The following GATA4 variants were observed in gnomAD, a reference collection of about 807,000 sequenced individuals.
The protein encoded by GATA4 is transcription factor GATA-4.
GATA4 carries 7 observed loss-of-function variants against 37.9 expected under a neutral mutation model. That is an observed-to-expected ratio of 0.18 (90% CI 0.11 to 0.35). GATA4 has a LOEUF of 0.35. Ranked by LOEUF, GATA4 falls within the 10% of genes least tolerant of loss-of-function variation. The pLI, the probability that GATA4 is intolerant of heterozygous loss-of-function variation, is 1.00. For synonymous variants in GATA4, 372 were observed against 292.6 expected (o/e 1.27, Z -2.77); for missense variants, 647 against 653.0 (o/e 0.99, Z 0.10).
intron 2 of GATA4, among the ~76,000 whole-genome samples, chr8:11,746,965 G>A (rs1365913714): frequency 6.6e-6 from 1 of 152,160 alleles, no homozygotes; most frequent in Non-Finnish European, 1.5e-5. Context: ...TGTGGGGAGG[G>A]CCCCCCACCA....
intron 2 of GATA4, among the ~76,000 whole-genome samples, chr8:11,745,832 G>A (rs1347521534): frequency 6.6e-6 from 1 of 152,182 alleles, no homozygotes; most frequent in Non-Finnish European, 1.5e-5. Flanking sequence ...AATAATAGAA[G>A]TCTGGGATTT....
chr8:11,681,590 C>G (rs565765603), intron 1 of GATA4: 3 of 439,512 alleles, frequency 6.8e-6, no homozygotes, highest in Non-Finnish European at 9.1e-6. Flanking sequence ...ACCCCACTCG[C>G]TGTTCTTAAC....
rs1161609876 is a variant in GATA4, at chr8:11,708,333, G to A, written c.21G>A (p.Met7Ile). Residue 7 changes from methionine to isoleucine, a missense_variant, in exon 2 of 7, where the codon ATG becomes ATA. By Grantham distance (10) the Met-to-Ile change is conservative. Around this residue, in one of 5 missense-constraint regions of GATA4, gnomAD observed 379 missense variants for 334.5 expected, o/e 1.13. Transcript: ENST00000532059. This position sits in a 1 kb window ranked among gnomAD's most constrained non-coding sequence, Gnocchi z 6.7. MYQSLA[M>I]AANHGPPPGA... ...GGACCATGTATCAGAGCTTGGCCAT[G>A]GCCGCCAACCACGGGCCGCCCCCCG... 1.3e-6 allele frequency: 2 copies of A among 1,584,708 alleles called. No homozygotes were observed. The highest frequency in any genetic ancestry group is 1.7e-5 in the Admixed American group (1 of 58,360).
intron 2 of GATA4, among the ~76,000 whole-genome samples, chr8:11,734,780 G>A (rs1175327449): frequency 2.6e-5 from 4 of 152,136 alleles, no homozygotes; most frequent in Non-Finnish European, 4.4e-5. Flanking sequence ...GTGAGCCACC[G>A]TGCCCAGCCT....
intron 2 of GATA4, among the ~76,000 whole-genome samples, chr8:11,746,567 C>A (rs1212891183): frequency 6.6e-6 from 1 of 152,246 alleles, no homozygotes; most frequent in Non-Finnish European, 1.5e-5. Context: ...CCGCGCCCGC[C>A]TCTTGCTGTG....
chr8:11,752,248 T>C (rs565150507), intron 4 of GATA4, among the ~76,000 whole-genome samples: 2 of 152,318 alleles, frequency 1.3e-5, no homozygotes, highest in African/African-American at 4.8e-5. Context: ...GACCAGTGGA[T>C]GGGTGAACAC....
At chr8:11,746,286 C>A (rs1184827471) in intron 2 of GATA4, among the ~76,000 whole-genome samples, 1 of 152,006 alleles carries the variant, frequency 6.6e-6, no homozygotes, top group Non-Finnish European at 1.5e-5. Flanking sequence ...AGGAGTATCT[C>A]TTGAGGCCAG....
At chr8:11,682,321 T>C (rs1241792622) in intron 1 of GATA4, among the ~76,000 whole-genome samples, 2 of 152,238 alleles carry the variant, frequency 1.3e-5, no homozygotes, top group Non-Finnish European at 2.9e-5. Flanking sequence ...TAGATAACTT[T>C]GCCTTGTTCA....
At chr8:11,757,524 A>C (rs1448144830) in intron 6 of GATA4, among the ~76,000 whole-genome samples, 2 of 152,214 alleles carry the variant, frequency 1.3e-5, no homozygotes, top group Non-Finnish European at 2.9e-5. Context: ...TCTCTAGGCA[A>C]GTCTGCCTCC....
At chr8:11,699,050 A>T (rs1375187039) in intron 1 of GATA4, among the ~76,000 whole-genome samples, 2 of 152,212 alleles carry the variant, frequency 1.3e-5, no homozygotes, top group Non-Finnish European at 1.5e-5. Flanking sequence ...AGCCCTTTTT[A>T]AAATTTTAAT....
intron 2 of GATA4, among the ~76,000 whole-genome samples, chr8:11,737,969 T>C (rs1453831248): frequency 1.3e-5 from 2 of 152,070 alleles, no homozygotes; most frequent in Admixed American, 1.3e-4. Flanking sequence ...TCACCTAGGC[T>C]CAGGAGTTCA....
At chr8:11,695,903 A>G (rs889729353) in intron 1 of GATA4, among the ~76,000 whole-genome samples, 2 of 152,208 alleles carry the variant, frequency 1.3e-5, no homozygotes, top group Non-Finnish European at 2.9e-5. Flanking sequence ...AGGATGAGCA[A>G]TAGGGAGGAC....
intron 1 of GATA4, chr8:11,697,695 C>T (rs1799546276): frequency 5.1e-6 from 5 of 985,490 alleles, no homozygotes; most frequent in Non-Finnish European, 4.8e-6. Flanking sequence ...GCTGTTTTCG[C>T]ACTTGGGCTT....
intron 1 of GATA4, among the ~76,000 whole-genome samples, chr8:11,686,666 G>A (rs1459764743): frequency 1.3e-5 from 2 of 152,138 alleles, no homozygotes; most frequent in Non-Finnish European, 1.5e-5. Flanking sequence ...TTCTTGCAGG[G>A]GTGAGTTCCA....
In GATA4 at chr8:11,713,693, G is replaced by A. The variant is rs191655648; in HGVS notation, c.616+4765G>A. Among the ~76,000 whole-genome samples, 8 of 152,264 alleles carry A rather than the reference G, an allele frequency of 5.3e-5. No homozygotes were observed. The East Asian group carries it at 7.7e-4, about 15-fold the overall frequency. The stretch of plus-strand genomic sequence containing the variant: ...CTTTTAACTCTGTGTTAGTGAAGGT[G>A]AGCAGATATTAGATGTGAGAAGAAC... On this transcript the variant is annotated intron_variant, in intron 2 of 6. Coordinates refer to ENST00000532059, the MANE Select transcript of GATA4 (RefSeq NM_001308093.3).
At chr8:11,758,081 A>G (rs1802694563) in intron 6 of GATA4, among the ~76,000 whole-genome samples, 1 of 152,122 alleles carries the variant, frequency 6.6e-6, no homozygotes, top group Non-Finnish European at 1.5e-5. Context: ...CTGGTTGTAT[A>G]CTGTGCTCAG....
intron 1 of GATA4, among the ~76,000 whole-genome samples, chr8:11,681,793 C>A (rs891041077): frequency 1.1e-4 from 16 of 152,096 alleles, no homozygotes; most frequent in African/African-American, 3.6e-4. Context: ...TTTCTCCTTG[C>A]CTGCCTGTCT....
intron 2 of GATA4, among the ~76,000 whole-genome samples, chr8:11,733,213 A>G (rs1289287271): frequency 6.6e-6 from 1 of 152,182 alleles, no homozygotes; most frequent in East Asian, 1.9e-4. Flanking sequence ...TCTTTATTCC[A>G]AACTCCCTCA....
At chr8:11,739,934 G>T (rs1352956841) in intron 2 of GATA4, among the ~76,000 whole-genome samples, 1 of 152,314 alleles carries the variant, frequency 6.6e-6, no homozygotes, top group Non-Finnish European at 1.5e-5. Context: ...CTTGCTCCTG[G>T]ACCCTCGCAG....
Sources: allele counts gnomAD v4.1 joint callset (sites outside exome capture counted in the v4.1 genomes callset), GRCh38; gene constraint gnomAD v4.1.1; regional missense constraint gnomAD v4.1.1; non-coding constraint Gnocchi (gnomAD v3.1); transcripts MANE v1.5; gene names NCBI Gene and HGNC (gene_info 2026-07-23, HGNC 2026-07-21).